PHF21A: variants seen among roughly 807,000 people sequenced by gnomAD.
PHF21A encodes BHC80a.
A neutral mutation model predicts 82.5 loss-of-function variants in PHF21A; 11 were observed. That is an observed-to-expected ratio of 0.13 (90% CI 0.08 to 0.22). The LOEUF is 0.22. Among genes scored for constraint, PHF21A ranks in the 10% least tolerant of loss-of-function variants. PHF21A has a pLI of 1.00. For synonymous variants in PHF21A, 297 were observed against 302.8 expected (o/e 0.98, Z 0.20); for missense variants, 579 against 837.8 (o/e 0.69, Z 3.81).
intron 6 of PHF21A, among the ~76,000 whole-genome samples, chr11:46,030,181 G>A (rs1212283747): frequency 1.3e-5 from 2 of 152,188 alleles, no homozygotes; most frequent in Non-Finnish European, 2.9e-5. Context: ...GCTACTGCAG[G>A]TTTAGAATCC....
At chr11:46,114,895 T>C (rs1452875192) in intron 1 of PHF21A, among the ~76,000 whole-genome samples, 1 of 152,226 alleles carries the variant, frequency 6.6e-6, no homozygotes, top group East Asian at 1.9e-4. Flanking sequence ...CCCATCTTTT[T>C]GGCTTCTGTG....
chr11:45,996,414 T>A (rs2094910709), intron 6 of PHF21A, among the ~76,000 whole-genome samples: 1 of 152,216 alleles, frequency 6.6e-6, no homozygotes, highest in South Asian at 2.1e-4. Context: ...TATTGCTCAG[T>A]AACTCACTTA....
intron 7 of PHF21A, among the ~76,000 whole-genome samples, chr11:45,973,065 T>A (rs946523682): frequency 3.3e-5 from 5 of 152,000 alleles, no homozygotes; most frequent in Non-Finnish European, 4.4e-5. Flanking sequence ...GCGACAAGAG[T>A]GAGACTTCGT....
chr11:45,933,044 T>C lies in PHF21A; in HGVS notation c.*924A>G, dbSNP rs1223794185. On this transcript the variant is annotated 3_prime_UTR_variant, in exon 19 of 19. Transcript: ENST00000676320. ...CACACACACCTGGGTCGCGTGCTGC[T>C]TCACTCAAGATCTTCTCTTCTTATA... 1 of 152,650 alleles carries C rather than the reference T, an allele frequency of 6.6e-6. No individual in the cohort carries two copies. Among genetic ancestry groups the C allele is most frequent in the African/African-American group, 2.4e-5 (1 of 41,472 alleles). The allele number at this position is 152,650 out of a possible 1,614,324, so 9.5% of individuals were successfully genotyped here.
At chr11:45,989,419 C>G (rs1311043446) in intron 6 of PHF21A, among the ~76,000 whole-genome samples, 1 of 148,752 alleles carries the variant, frequency 6.7e-6, no homozygotes, top group East Asian at 2.0e-4. Flanking sequence ...CTTTGGGAGG[C>G]CGAAGTGGGC....
intron 1 of PHF21A, among the ~76,000 whole-genome samples, chr11:46,104,371 C>T (rs182201285): frequency 6.6e-6 from 1 of 151,952 alleles, no homozygotes; most frequent in Non-Finnish European, 1.5e-5. Context: ...TAAACTGCAT[C>T]AATATCTTGG....
Position 46,021,011 on chromosome 11 carries a change from C to T in PHF21A, c.154-41045G>A, listed in dbSNP as rs565605863. ...TGGGTTTATTGGACCATAACTCCAT[C>T]ATACACTGAGGAGTATCTGAATATG... On this transcript the variant is annotated intron_variant, in intron 6 of 18. Transcript: ENST00000676320. Among the ~76,000 whole-genome samples, 3 of 151,386 alleles carry T rather than the reference C, an allele frequency of 2.0e-5. No homozygotes were observed. In the South Asian group the frequency reaches 6.3e-4, roughly 32 times the overall value.
At chr11:46,023,625 G>A (rs971029733) in intron 6 of PHF21A, among the ~76,000 whole-genome samples, 1 of 152,094 alleles carries the variant, frequency 6.6e-6, no homozygotes, top group Non-Finnish European at 1.5e-5. Flanking sequence ...TTTTACTAAA[G>A]GATTCTTTAT....
At chr11:46,103,529 G>A (rs1465765021) in intron 1 of PHF21A, among the ~76,000 whole-genome samples, 1 of 152,102 alleles carries the variant, frequency 6.6e-6, no homozygotes, top group African/African-American at 2.4e-5. Context: ...GAGATACAAT[G>A]TTTTAGGAAC....
chr11:46,007,281 T>C (rs1565506146), intron 6 of PHF21A, among the ~76,000 whole-genome samples: 1 of 152,046 alleles, frequency 6.6e-6, no homozygotes, highest in Non-Finnish European at 1.5e-5. Context: ...TGTGGCACTT[T>C]ACAGAAGATA....
chr11:46,093,074 T>G (rs2096945871), intron 1 of PHF21A, among the ~76,000 whole-genome samples: 1 of 152,170 alleles, frequency 6.6e-6, no homozygotes, highest in Non-Finnish European at 1.5e-5. Context: ...CCACTTTAGA[T>G]TGTAAACCAC....
At chr11:45,939,887 A>C (rs956752561) in intron 15 of PHF21A, among the ~76,000 whole-genome samples, 7 of 152,148 alleles carry the variant, frequency 4.6e-5, no homozygotes, top group Non-Finnish European at 7.3e-5. Flanking sequence ...AGGGAAGGGA[A>C]GACTGAAGGG....
At chr11:46,019,334 C>T (rs1029695017) in intron 6 of PHF21A, among the ~76,000 whole-genome samples, 9 of 152,126 alleles carry the variant, frequency 5.9e-5, no homozygotes, top group African/African-American at 2.2e-4. Flanking sequence ...AATGAATCAT[C>T]TTAATTTTTT....
At chr11:46,051,365 G>A (rs1386440485) in intron 6 of PHF21A, among the ~76,000 whole-genome samples, 1 of 152,126 alleles carries the variant, frequency 6.6e-6, no homozygotes, top group African/African-American at 2.4e-5. Flanking sequence ...ATACAGTTAG[G>A]TCATTTTTAT....
At chr11:46,042,662 C>T (rs144182111) in intron 6 of PHF21A, among the ~76,000 whole-genome samples, 1 of 152,198 alleles carries the variant, frequency 6.6e-6, no homozygotes, top group African/African-American at 2.4e-5. Flanking sequence ...CCCAGTGCAA[C>T]TGTATTATGA....
At chr11:46,084,544 A>ACT (rs1355916453) in intron 3 of PHF21A, among the ~76,000 whole-genome samples, 1 of 152,206 alleles carries the variant, frequency 6.6e-6, no homozygotes, top group African/African-American at 2.4e-5. Flanking sequence ...CTAAGCACCC[A>ACT]CTACATGCTC....
intron 6 of PHF21A, among the ~76,000 whole-genome samples, chr11:46,005,371 CTG>C (rs2095269807): frequency 6.6e-6 from 1 of 152,146 alleles, no homozygotes; most frequent in Non-Finnish European, 1.5e-5. Flanking sequence ...ATTTTTCAGA[CTG>C]TAGAATATTT....
chr11:45,961,278 A>C (rs2093056050), intron 10 of PHF21A, among the ~76,000 whole-genome samples: 1 of 152,216 alleles, frequency 6.6e-6, no homozygotes, highest in South Asian at 2.1e-4. Flanking sequence ...TATACTTTAT[A>C]TACTTGTCTG....
At chr11:46,103,893 A>G (rs180944051) in intron 1 of PHF21A, among the ~76,000 whole-genome samples, 1 of 152,320 alleles carries the variant, frequency 6.6e-6, no homozygotes, top group Non-Finnish European at 1.5e-5. Flanking sequence ...GACATTCGTA[A>G]GACAGATACA....
Sources: allele counts gnomAD v4.1 joint callset (sites outside exome capture counted in the v4.1 genomes callset), GRCh38; gene constraint gnomAD v4.1.1; transcripts MANE v1.5; gene names NCBI Gene and HGNC (gene_info 2026-07-23, HGNC 2026-07-21).